Variants in TMED9 observed in about 807,000 individuals in gnomAD.
TMED9 encodes transmembrane emp24 domain-containing protein 9.
TMED9 carries 22 observed loss-of-function variants against 30.6 expected under a neutral mutation model. That is an observed-to-expected ratio of 0.72 (90% CI 0.51 to 1.03). The LOEUF (loss-of-function observed/expected upper bound fraction) is 1.03. Ranked by LOEUF, TMED9 falls within the 50% of genes least tolerant of loss-of-function variation. The pLI is 0.00. For missense variants in TMED9, 251 were observed against 302.1 expected, an observed-to-expected ratio of 0.83 and a Z score of 1.25; for synonymous variants, 146 against 122.8, an observed-to-expected ratio of 1.19 and a Z score of -1.25.
chr5:177,594,666 C>G lies in TMED9; in HGVS notation c.558+381C>G, dbSNP rs1036425932. Among the ~76,000 whole-genome samples, 4 of 152,318 alleles carry G rather than the reference C, an allele frequency of 2.6e-5. No individual in the cohort carries two copies. In the East Asian group the frequency reaches 7.7e-4, roughly 29 times the overall value. ...CAGTGACCCATCTAAACAAGCACAGCCACTGTTCAGTGTCACCTGGGGGCT... is the reference window on the plus strand; with the variant it reads ...CAGTGACCCATCTAAACAAGCACAGGCACTGTTCAGTGTCACCTGGGGGCT... On this transcript the variant is annotated intron_variant, in intron 4 of 4. Transcript: ENST00000332598.
chr5:177,594,378 C>T, intron 4 of TMED9, 93 bp downstream of exon 4: 4 of 1,481,836 alleles, frequency 2.7e-6, no homozygotes, highest in Middle Eastern at 2.3e-4. Flanking sequence ...CTGAGACCCC[C>T]AAGGGACTTA....
At chr5:177,592,739 T>G in intron 2 of TMED9, 64 bp downstream of exon 2, 1 of 1,172,280 alleles carries the variant, frequency 8.5e-7, no homozygotes, top group Admixed American at 2.2e-5. Context: ...GTACTTCCTC[T>G]TCTAGTTCCT....
At position 177,594,196 on chromosome 5, in the gene TMED9, G is replaced by T; in HGVS notation, c.469G>T (p.Ala157Ser). ...TGCCAATGACTATGCAGAAATTGCT[G>T]CTAAAGACAAGTTGAGTGAGTTGCA... Reference protein sequence around the residue: ...EHANDYAEIAAKDKLSELQLR... With the variant: ...EHANDYAEIASKDKLSELQLR... Residue 157 changes from alanine to serine, a missense_variant, in exon 4 of 5, where the codon GCT becomes TCT. Transcript: ENST00000332598. The T allele has an allele frequency of 6.2e-7, 1 of 1,614,256 alleles. No individual in the cohort carries two copies. The highest frequency in any genetic ancestry group is 8.5e-7 in the Non-Finnish European group (1 of 1,180,042).
rs769393737 is a variant in TMED9, at chr5:177,592,668, A to G, written c.278A>G (p.Glu93Gly). 4.3e-6 allele frequency: 7 copies of G among 1,609,770 alleles called. No homozygotes were observed. Among genetic ancestry groups the G allele is most frequent in the Non-Finnish European group, 5.9e-6 (7 of 1,178,072 alleles). The change falls in exon 2 of 5, where the codon GAG becomes GGG. Residue 93 changes from glutamate to glycine, a missense_variant. Physicochemically the swap from Glu to Gly is moderately conservative, Grantham distance 98 (BLOSUM62 -2). Transcript: ENST00000332598. ...ATGTTTGTGGAGGTGAAGGACCCAG[A>G]GGACAAGGTGAGCCAACCGCCCCCC... ...LGMFVEVKDP[E>G]DKVILARQYG...
intron 4 of TMED9, 100 bp downstream of exon 4, chr5:177,594,385 C>G: frequency 7.2e-7 from 1 of 1,395,932 alleles, no homozygotes; most frequent in Non-Finnish European, 9.8e-7. Flanking sequence ...CCCCAAGGGA[C>G]TTACCTGCAC....
rs976303364 is a variant in TMED9 at position 177,596,503 on chromosome 5, C to T, written c.*1087C>T. Among the ~76,000 whole-genome samples, 1 of 152,160 alleles carries T rather than the reference C, an allele frequency of 6.6e-6. No individual in the cohort carries two copies. The highest frequency in any genetic ancestry group is 6.5e-5 in the Admixed American group (1 of 15,276). ...GGACAAGGATGTTGATGGGCTAAAC[C>T]AACAGCAAGTGATTTCAACCAGGAC... On this transcript the variant is annotated 3_prime_UTR_variant, in exon 5 of 5. Transcript: ENST00000332598.
chr5:177,592,241 C>G lies in TMED9; in HGVS notation c.27C>G (p.Leu9=), dbSNP rs759506866. Residue 9 remains leucine, a synonymous_variant, in exon 1 of 5, where the codon CTC becomes CTG. Coordinates refer to ENST00000332598, the MANE Select transcript of TMED9 (RefSeq NM_017510.6). ...TGGCTGTGGAGCTGGGCGTGCTGCT[C>G]GTCCGGCCCCGGCCCGGAACCGGGC... MAVELGVL[L]VRPRPGTGLG... is the part of the protein sequence containing the mutation. 10 of 1,609,412 alleles carry G rather than the reference C, an allele frequency of 6.2e-6. No homozygotes were observed. The Admixed American group carries it at 1.2e-4, about 19-fold the overall frequency.
rs771949773 is a variant in TMED9, at chr5:177,592,316, C to G, written c.102C>G (p.Arg34=). ...TGCTGGTGCTGTGGCTGGCGACGCG[C>G]GGAAGCGCGCTCTACTTTCACATCG... ...TLLLVLWLAT[R]GSALYFHIGE... Residue 34 remains arginine, a synonymous_variant, in exon 1 of 5, where the codon CGC becomes CGG. Transcript: ENST00000332598. The G allele has an allele frequency of 3.1e-6, 5 of 1,606,126 alleles. No individual in the cohort carries two copies. Among genetic ancestry groups the G allele is most frequent in the Non-Finnish European group, 3.4e-6 (4 of 1,176,662 alleles).
chr5:177,593,655 C>T lies in TMED9; in HGVS notation c.291C>T (p.Ile97=). 6.2e-7 allele frequency: 1 copy of T among 1,614,180 alleles called. No individual in the cohort carries two copies. The highest frequency in any genetic ancestry group is 1.1e-5 in the South Asian group (1 of 91,086). The change falls in exon 3 of 5, where the codon ATC becomes ATT. Residue 97 remains isoleucine (I), a synonymous_variant. Coordinates refer to ENST00000332598, the MANE Select transcript of TMED9 (RefSeq NM_017510.6). ...VEVKDPEDKV[I]LARQYGSEGR... is the part of the protein sequence containing the mutation. ...AGCTTGTTACCTTCCTCCAGGTCATCCTGGCCCGGCAGTATGGCTCCGAGG... is the reference window on the plus strand; with the variant it reads ...AGCTTGTTACCTTCCTCCAGGTCATTCTGGCCCGGCAGTATGGCTCCGAGG...
Position 177,592,224 on chromosome 5 carries a change from G to A in TMED9, c.10G>A (p.Glu4Lys), listed in dbSNP as rs1265023025. MAV[E>K]LGVLLVRPRP... ...AGGCAGGTGGAGCAAGATGGCTGTGGAGCTGGGCGTGCTGCTCGTCCGGCC... is the reference window on the plus strand; with the variant it reads ...AGGCAGGTGGAGCAAGATGGCTGTGAAGCTGGGCGTGCTGCTCGTCCGGCC... The change falls in exon 1 of 5, where the codon GAG (glutamate) becomes AAG (lysine). Residue 4 changes from glutamate (E) to lysine (K), a missense_variant. Physicochemically the swap from Glu to Lys is moderately conservative, Grantham distance 56. Transcript: ENST00000332598. 1 of 1,605,266 alleles carries A rather than the reference G, an allele frequency of 6.2e-7. No individual in the cohort carries two copies.
rs1406417802 is a variant in TMED9 at position 177,594,232 on chromosome 5, C to T, written c.505C>T (p.Arg169Ter). 6.2e-6 allele frequency: 10 copies of T among 1,614,152 alleles called. No homozygotes were observed. The highest frequency in any genetic ancestry group is 7.6e-6 in the Non-Finnish European group (9 of 1,180,034). ...DKLSELQLRV[R>*]QLVEQVEQIQ... ...GTTGAGTGAGTTGCAGCTACGAGTG[C>T]GACAGCTGGTGGAACAAGTGGAGCA... Residue 169 changes from arginine to a stop codon, truncating the protein, a stop_gained, in exon 4 of 5, where the codon CGA (arginine) becomes TGA (stop). Coordinates refer to ENST00000332598, the MANE Select transcript of TMED9 (RefSeq NM_017510.6). LOFTEE classifies it high-confidence loss of function.
In TMED9 at chr5:177,593,745, C is replaced by G; in HGVS notation, c.381C>G (p.Thr127=). ...EHQICLHSNS[T]KFSLFAGGML... ...AGATCTGTCTTCACTCCAATTCCAC[C>G]AAGTTCTCCCTCTTTGCTGGAGGCA... is the stretch of plus-strand genomic sequence containing the variant. Residue 127 remains threonine, a synonymous_variant, in exon 3 of 5, where the codon ACC becomes ACG. Coordinates refer to ENST00000332598, the MANE Select transcript of TMED9 (RefSeq NM_017510.6). 6.2e-7 allele frequency: 1 copy of G among 1,614,200 alleles called. No individual in the cohort carries two copies. Among genetic ancestry groups the G allele is most frequent in the Non-Finnish European group, 8.5e-7 (1 of 1,180,030 alleles).
chr5:177,595,499 G>T lies in TMED9; in HGVS notation c.*83G>T. Reference sequence around the variant, plus strand: ...CTGACTTCTTCTGTCAGGAGGACTGGTTTCCAGCCATACCTGTTCTGGAAG... The same window carrying T: ...CTGACTTCTTCTGTCAGGAGGACTGTTTTCCAGCCATACCTGTTCTGGAAG... On this transcript the variant is annotated 3_prime_UTR_variant, in exon 5 of 5. Transcript: ENST00000332598. The T allele has an allele frequency of 6.0e-6, 9 of 1,496,276 alleles. No homozygotes were observed. Among genetic ancestry groups the T allele is most frequent in the Admixed American group, 4.0e-5 (2 of 50,186 alleles). 92.7% of individuals were successfully genotyped at this position (1,496,276 alleles called of 1,614,324 possible).
rs1039099787 is a variant in TMED9, at chr5:177,597,132, C to T, written c.*1716C>T. Among the ~76,000 whole-genome samples the T allele has an allele frequency of 1.2e-4, 18 of 150,948 alleles. No individual in the cohort carries two copies. The highest frequency in any genetic ancestry group is 1.5e-4 in the African/African-American group (6 of 41,022). On this transcript the variant is annotated 3_prime_UTR_variant, in exon 5 of 5. Coordinates refer to ENST00000332598, the MANE Select transcript of TMED9 (RefSeq NM_017510.6). ...CACATGAAAAAAAAAAGTTTTTTGG[C>T]GGGCACGGTGGTTCACACCTGTAAT...
intron 1 of TMED9, 68 bp from the exon 2 acceptor site, chr5:177,592,507 C>T: frequency 6.4e-7 from 1 of 1,559,180 alleles, no homozygotes; most frequent in Non-Finnish European, 8.7e-7. Flanking sequence ...CCTCGCCGTG[C>T]CCAGGCGGTC....
At chr5:177,593,177 T>A (rs1446691729) in intron 2 of TMED9, 61 of 118,726 alleles carry the variant, frequency 5.1e-4, no homozygotes, top group African/African-American at 1.7e-3. Flanking sequence ...AAAAAAAAAA[T>A]GAGCCGGGTG....
Position 177,595,609 on chromosome 5 carries a change from CCT to C in TMED9, c.*202_*203del. The C allele has an allele frequency of 4.7e-5, 26 of 551,856 alleles. No individual in the cohort carries two copies. The highest frequency in any genetic ancestry group is 6.7e-5 in the East Asian group (2 of 29,632). The allele number at this position is 551,856 out of a possible 1,614,324, so 34.2% of individuals were successfully genotyped here. ...AGCAGGTAGTGGGGCAAATTCCTGC[CCT>C]CTCTCTCTGGCCTCTGGGCCGTTTG... On this transcript the variant is annotated 3_prime_UTR_variant, in exon 5 of 5. Coordinates refer to ENST00000332598, the MANE Select transcript of TMED9 (RefSeq NM_017510.6).
intron 2 of TMED9, chr5:177,593,359 C>A: frequency 3.5e-6 from 1 of 289,108 alleles, no homozygotes; most frequent in Non-Finnish European, 6.4e-6. Context: ...CCCCAAAAAA[C>A]AACTCACACC....
chr5:177,595,545 C>T lies in TMED9; in HGVS notation c.*129C>T, dbSNP rs1767674148. ...GGAAGGGAGAGGGGCTGGAGGCACC[C>T]ACAGGCACAAGCTGAAGGCAGCAGC... On this transcript the variant is annotated 3_prime_UTR_variant, in exon 5 of 5. Coordinates refer to ENST00000332598, the MANE Select transcript of TMED9 (RefSeq NM_017510.6). 8 of 1,162,766 alleles carry T rather than the reference C, an allele frequency of 6.9e-6. No homozygotes were observed. Among genetic ancestry groups the T allele is most frequent in the African/African-American group, 3.1e-5 (2 of 64,220 alleles). 72.0% of individuals were successfully genotyped at this position (1,162,766 alleles called of 1,614,324 possible). A position where few individuals can be genotyped will look rare whatever the true frequency, so the allele number is the denominator to read the frequency against.
Sources: allele counts gnomAD v4.1 joint callset (sites outside exome capture counted in the v4.1 genomes callset), GRCh38; gene constraint gnomAD v4.1.1; transcripts MANE v1.5; gene names NCBI Gene and HGNC (gene_info 2026-07-23, HGNC 2026-07-21).